SAMSN1: variants seen among roughly 807,000 people sequenced by gnomAD.
SAMSN1 encodes SAM domain-containing protein SAMSN-1.
In SAMSN1, 31 loss-of-function variants were observed where a neutral mutation model predicts 42.0. The observed-to-expected ratio is 0.74, with a 90% CI of 0.55 to 1.00. The LOEUF (loss-of-function observed/expected upper bound fraction) is 1.00, where lower values mean the gene tolerates loss of function less well. SAMSN1 is among the 50% of genes least tolerant of loss of function. The pLI, the probability that SAMSN1 is intolerant of heterozygous loss-of-function variation, is 0.00. For missense variants in SAMSN1, 464 were observed against 439.4 expected (o/e 1.06, Z -0.50); for synonymous variants, 178 against 151.9 (o/e 1.17, Z -1.26).
chr21:14,500,222 C>T lies in SAMSN1; in HGVS notation c.768+307G>A, dbSNP rs560292408. On this transcript the variant is annotated intron_variant, in intron 6 of 7. Coordinates refer to ENST00000400566, the MANE Select transcript of SAMSN1 (RefSeq NM_022136.5). ...TTCCTTATACTCTCTTTACCATTCT[C>T]GTTTAGACATTTTCTTAGGGCTTTT... 6.6e-5 allele frequency among the ~76,000 whole-genome samples: 10 copies of T among 152,162 alleles called. No homozygotes were observed. In the East Asian group the frequency reaches 1.9e-3, roughly 29 times the overall value.
At chr21:14,546,335 C>T (rs1417282974), upstream of SAMSN1, 1 of 1,594,034 alleles carries the variant, frequency 6.3e-7, no homozygotes, top group Non-Finnish European at 8.5e-7. Context: ...CAGCAGTGTG[C>T]TGTCTAATGC....
intron 2 of SAMSN1, among the ~76,000 whole-genome samples, chr21:14,632,486 T>C (rs957559498): frequency 6.6e-6 from 1 of 152,216 alleles, no homozygotes; most frequent in Admixed American, 6.5e-5. Flanking sequence ...ATAATTGTAA[T>C]ACAAATAATT....
intron 1 of SAMSN1, among the ~76,000 whole-genome samples, chr21:14,653,884 G>A (rs1983873287): frequency 6.6e-6 from 1 of 151,468 alleles, no homozygotes; most frequent in Admixed American, 6.6e-5. Context: ...GAAGCTATGA[G>A]GATAAAATAA....
rs181462990 is a variant in SAMSN1, at chr21:14,527,459, G to A, written c.58-6238C>T. ...GTAAAGCCTCGTCTTCGACACTCAC[G>A]TTTTATCCAGGGATAAAGGCAACCC... On this transcript the variant is annotated intron_variant, in intron 1 of 7. Transcript: ENST00000400566. Among the ~76,000 whole-genome samples the A allele has an allele frequency of 3.2e-3, 490 of 152,250 alleles. 1 individual carries two copies. Among genetic ancestry groups the A allele is most frequent in the Middle Eastern group, 0.017 (5 of 294 alleles).
intron 2 of SAMSN1, among the ~76,000 whole-genome samples, chr21:14,568,824 C>T (rs1981199548): frequency 6.6e-6 from 1 of 152,078 alleles, no homozygotes; most frequent in Admixed American, 6.6e-5. Context: ...AGTAGTAATT[C>T]CTTCATGTAA....
chr21:14,622,995 C>G (rs1460756790), intron 2 of SAMSN1, among the ~76,000 whole-genome samples: 1 of 152,140 alleles, frequency 6.6e-6, no homozygotes, highest in Non-Finnish European at 1.5e-5. Flanking sequence ...AATTTTCAAC[C>G]CAGAATTTCA....
intron 1 of SAMSN1, among the ~76,000 whole-genome samples, chr21:14,527,009 G>C (rs996693898): frequency 2.6e-5 from 4 of 152,146 alleles, no homozygotes; most frequent in Admixed American, 2.6e-4. Context: ...TGGTGGAAAA[G>C]TTTCACAGTC....
intron 1 of SAMSN1, among the ~76,000 whole-genome samples, chr21:14,538,966 A>G: frequency 6.6e-6 from 1 of 152,224 alleles, no homozygotes; most frequent in East Asian, 1.9e-4. Flanking sequence ...ATTTATTAAC[A>G]CGGATCATTA....
intron 5 of SAMSN1, among the ~76,000 whole-genome samples, chr21:14,501,330 C>T (rs1431530192): frequency 2.0e-5 from 3 of 152,066 alleles, no homozygotes; most frequent in African/African-American, 7.2e-5. Context: ...TATTTTTGCT[C>T]ACAACACACT....
chr21:14,585,405 T>C (rs371559223), upstream of SAMSN1: 11 of 152,330 alleles, frequency 7.2e-5, no homozygotes, highest in East Asian at 1.9e-3. Context: ...ACAAAAATCG[T>C]CTTCTCTTCT....
intron 1 of SAMSN1, among the ~76,000 whole-genome samples, chr21:14,650,032 C>T (rs1223467599): frequency 6.6e-6 from 1 of 152,046 alleles, no homozygotes; most frequent in Non-Finnish European, 1.5e-5. Flanking sequence ...CTGGAGTACT[C>T]AGGCATATAA....
At chr21:14,532,476 C>A (rs1406321207) in intron 1 of SAMSN1, among the ~76,000 whole-genome samples, 1 of 152,146 alleles carries the variant, frequency 6.6e-6, no homozygotes, top group East Asian at 1.9e-4. Context: ...TGTCCTATAA[C>A]TATTTTTATT....
intron 2 of SAMSN1, among the ~76,000 whole-genome samples, chr21:14,642,480 T>G (rs550140625): frequency 2.0e-5 from 3 of 152,178 alleles, no homozygotes; most frequent in Admixed American, 6.5e-5. Flanking sequence ...TTGAGATAAT[T>G]ATTAACTAAA....
intron 6 of SAMSN1, among the ~76,000 whole-genome samples, chr21:14,595,950 A>G (rs1982248560): frequency 6.6e-6 from 1 of 152,196 alleles, no homozygotes; most frequent in African/African-American, 2.4e-5. Flanking sequence ...GAATGATGCT[A>G]AGGAATACCA....
intron 6 of SAMSN1, among the ~76,000 whole-genome samples, chr21:14,596,921 T>C (rs1189133970): frequency 2.6e-5 from 4 of 152,284 alleles, no homozygotes; most frequent in South Asian, 2.1e-4. Flanking sequence ...TTTTTGTTTG[T>C]TTTAAGCCCC....
At chr21:14,577,044 GTTTCTTT>G (rs1981488322) in intron 2 of SAMSN1, among the ~76,000 whole-genome samples, 1 of 94,444 alleles carries the variant, frequency 1.1e-5, no homozygotes, top group African/African-American at 4.6e-5. Context: ...GATTGCATCC[GTTTCTTT>G]TTTTTTTTTT....
chr21:14,545,197 A>T (rs966222873), intron 1 of SAMSN1, among the ~76,000 whole-genome samples: 3 of 152,150 alleles, frequency 2.0e-5, no homozygotes, highest in Non-Finnish European at 4.4e-5. Context: ...TTCCTTCAGA[A>T]AAACTTGGAT....
chr21:14,556,071 T>C (rs1980752722), intron 2 of SAMSN1, among the ~76,000 whole-genome samples: 1 of 152,190 alleles, frequency 6.6e-6, no homozygotes. Context: ...ATGGAAGAGA[T>C]ATATATGAGC....
exon 3 of SAMSN1, chr21:14,615,988 G>C (rs1175400384): frequency 1.7e-6 from 1 of 574,244 alleles, no homozygotes; most frequent in Non-Finnish European, 3.2e-6. Context: ...TCTCTTTTTT[G>C]GTTTTGCATT....
Sources: gnomAD v4.1 joint callset for allele counts (sites outside exome capture counted in the v4.1 genomes callset) on GRCh38, gnomAD v4.1.1 for gene constraint, MANE v1.5 for transcripts, NCBI Gene and HGNC (gene_info 2026-07-23, HGNC 2026-07-21) for gene names.